Variants in CKMT1B observed in about 807,000 individuals in gnomAD.
CKMT1B encodes creatine kinase, mitochondrial 1B, also known as creatine kinase U-type, mitochondrial.
Under a neutral mutation model 21.8 loss-of-function variants are expected in CKMT1B, and 13 were observed. The ratio of observed to expected loss-of-function variants is 0.60; its 90% CI spans 0.39 to 0.95. The LOEUF is 0.95. Ranked by LOEUF, CKMT1B falls within the 40% of genes least tolerant of loss-of-function variation. The probability of loss-of-function intolerance (pLI) is 0.00; values close to 1 mark genes in which losing one functional copy is unlikely to be tolerated. For synonymous variants in CKMT1B, 50 were observed against 80.3 expected, an observed-to-expected ratio of 0.62 and a Z score of 2.02; for missense variants, 157 against 227.5, an observed-to-expected ratio of 0.69 and a Z score of 1.99.
intron 7 of CKMT1B, 133 bp downstream of exon 7, chr15:43,598,460 G>C: frequency 4.5e-6 from 6 of 1,336,694 alleles, no homozygotes; most frequent in Middle Eastern, 2.6e-4. Context: ...AGGCACAGTG[G>C]CTCATGCCTC....
Position 43,599,370 on chromosome 15 carries a change from T to C in CKMT1B, c.*97T>C. Reference sequence around the variant, plus strand: ...GCTCTGGACCTGCCCCCGCATCCCCTGCCTCCATCCTAGTAAAGACTCCTT... The same window carrying C: ...GCTCTGGACCTGCCCCCGCATCCCCCGCCTCCATCCTAGTAAAGACTCCTT... On this transcript the variant is annotated 3_prime_UTR_variant, in exon 9 of 9. Coordinates refer to ENST00000441322, the MANE Select transcript of CKMT1B (RefSeq NM_001375484.1). The C allele has an allele frequency of 6.3e-7, 1 of 1,593,078 alleles. No homozygotes were observed. The highest frequency in any genetic ancestry group is 8.6e-7 in the Non-Finnish European group (1 of 1,166,786).
Position 43,599,367 on chromosome 15 carries a change from C to T in CKMT1B, c.*94C>T. ...CTTGCTCTGGACCTGCCCCCGCATC[C>T]CCTGCCTCCATCCTAGTAAAGACTC... On this transcript the variant is annotated 3_prime_UTR_variant, in exon 9 of 9. Transcript: ENST00000441322. 6.3e-7 allele frequency: 1 copy of T among 1,596,174 alleles called. No homozygotes were observed. The highest frequency in any genetic ancestry group is 2.2e-5 in the East Asian group (1 of 44,740).
chr15:43,596,376 C>A (rs746837384), intron 5 of CKMT1B, 32 bp from the exon 6 acceptor site: 19 of 1,506,882 alleles, frequency 1.3e-5, no homozygotes, highest in Non-Finnish European at 1.5e-5. Context: ...TCTTGCCTTG[C>A]CTCTTGATCA....
rs752104222 is a variant in CKMT1B at position 43,598,828 on chromosome 15, A to T, written c.1013A>T (p.Asp338Val). 2 of 1,606,202 alleles carry T rather than the reference A, an allele frequency of 1.2e-6. No homozygotes were observed. The highest frequency in any genetic ancestry group is 1.7e-6 in the Non-Finnish European group (2 of 1,177,938). ...VHIKLPLLSK[D>V]SRFPKILENL... ...TCCCAATCCCTATCTCCTCTCTAGG[A>T]TAGCCGCTTCCCAAAGATCCTGGAG... is the stretch of plus-strand genomic sequence containing the variant. The change falls in exon 8 of 9, where the codon GAT (aspartate) becomes GTT (valine). Residue 338 changes from aspartate to valine, a missense_variant and splice_region_variant. Coordinates refer to ENST00000441322, the MANE Select transcript of CKMT1B (RefSeq NM_001375484.1).
intron 6 of CKMT1B, among the ~76,000 whole-genome samples, chr15:43,597,019 G>C (rs374104864): frequency 2.0e-5 from 3 of 146,808 alleles, no homozygotes; most frequent in East Asian, 2.1e-4. Context: ...TTGAGAGTTC[G>C]GAGAGAGACT....
intron 6 of CKMT1B, chr15:43,597,925 T>G: frequency 2.2e-6 from 3 of 1,361,610 alleles, no homozygotes; most frequent in Non-Finnish European, 2.8e-6. Flanking sequence ...CCCTAGATCA[T>G]CCTTAATACA....
chr15:43,599,250 C>T lies in CKMT1B; in HGVS notation c.1231C>T (p.Pro411Ser). 6.2e-7 allele frequency: 1 copy of T among 1,613,638 alleles called. No individual in the cohort carries two copies. Among genetic ancestry groups the T allele is most frequent in the Non-Finnish European group, 8.5e-7 (1 of 1,179,832 alleles). The change falls in exon 9 of 9, where the codon CCT (proline) becomes TCT (serine). Residue 411 changes from proline to serine, a missense_variant. Pro to Ser is a moderately conservative substitution (Grantham distance 74). Coordinates refer to ENST00000441322, the MANE Select transcript of CKMT1B (RefSeq NM_001375484.1). Reference protein sequence around the residue: ...ERGQDIRIPTPVIHTKH With the variant: ...ERGQDIRIPTSVIHTKH ...AGGCCAGGATATCCGCATCCCCACA[C>T]CTGTCATCCACACCAAGCATTAACT...
At position 43,596,239 on chromosome 15, in the gene CKMT1B, G is replaced by A. The variant is rs776227809; in HGVS notation, c.699G>A (p.Pro233=). ...TTCTGTTTGATAAGCCTGTGTCCCC[G>A]TTGCTGACTGCAGCAGGAATGGCTC... ...DHFLFDKPVS[P]LLTAAGMARD... is the part of the protein sequence containing the mutation. The change falls in exon 5 of 9, where the codon CCG becomes CCA. Residue 233 remains proline, a synonymous_variant. Coordinates refer to ENST00000441322, the MANE Select transcript of CKMT1B (RefSeq NM_001375484.1). 27 of 570,390 alleles carry A rather than the reference G, an allele frequency of 4.7e-5. 4 individuals carry two copies. Among genetic ancestry groups the A allele is most frequent in the South Asian group, 2.4e-4 (12 of 49,572 alleles). 35.3% of individuals were successfully genotyped at this position (570,390 alleles called of 1,614,324 possible). A position where few individuals can be genotyped will look rare whatever the true frequency, so the allele number is the denominator to read the frequency against.
Position 43,597,517 on chromosome 15 carries a change from C to T in CKMT1B, c.877-676C>T, listed in dbSNP as rs147768609. ...TCAGCATGTAAGATATCCCCTATGG[C>T]ATGGTTCCTTCTGAACTATAAAGAG... is the stretch of plus-strand genomic sequence containing the variant. On this transcript the variant is annotated intron_variant, in intron 6 of 8. Coordinates refer to ENST00000441322, the MANE Select transcript of CKMT1B (RefSeq NM_001375484.1). 89 of 1,234,442 alleles carry T rather than the reference C, an allele frequency of 7.2e-5. 7 individuals are homozygous for T. The African/African-American group carries it at 1.3e-3, about 18-fold the overall frequency. 76.5% of individuals were successfully genotyped at this position (1,234,442 alleles called of 1,614,324 possible). A position where few individuals can be genotyped will look rare whatever the true frequency, so the allele number is the denominator to read the frequency against.
chr15:43,598,765 T>C, intron 7 of CKMT1B, 62 bp from the exon 8 acceptor site: 3 of 1,526,948 alleles, frequency 2.0e-6, no homozygotes, highest in Non-Finnish European at 1.8e-6. Context: ...TTCAGGGCTC[T>C]TTCAGGTAGG....
chr15:43,596,737 A>C (rs2085575678), intron 6 of CKMT1B, among the ~76,000 whole-genome samples: 1 of 149,794 alleles, frequency 6.7e-6, no homozygotes, highest in African/African-American at 2.5e-5. Flanking sequence ...TAAGATTAGG[A>C]AAAGAAAGAG....
rs1327652918 is a variant in CKMT1B, at chr15:43,598,040, C to A, written c.877-153C>A. The A allele has an allele frequency of 1.7e-5, 25 of 1,450,480 alleles. 1 individual carries two copies. Among genetic ancestry groups the A allele is most frequent in the South Asian group, 4.6e-5 (3 of 65,786 alleles). 89.9% of individuals were successfully genotyped at this position (1,450,480 alleles called of 1,614,324 possible). Reference sequence around the variant, plus strand: ...TGCATGCATGAAAACAATAACAAACCTTTTTCATTTAAAAAAAGACCAATG... The same window carrying A: ...TGCATGCATGAAAACAATAACAAACATTTTTCATTTAAAAAAAGACCAATG... On this transcript the variant is annotated intron_variant, in intron 6 of 8. Transcript: ENST00000441322.
Position 43,596,860 on chromosome 15 carries a change from G to T in CKMT1B, c.876+329G>T, listed in dbSNP as rs1340746048. Among the ~76,000 whole-genome samples the T allele has an allele frequency of 1.3e-5, 2 of 149,194 alleles. 1 individual carries two copies. The highest frequency in any genetic ancestry group is 5.1e-5 in the African/African-American group (2 of 39,172). On this transcript the variant is annotated intron_variant, in intron 6 of 8. Coordinates refer to ENST00000441322, the MANE Select transcript of CKMT1B (RefSeq NM_001375484.1). The stretch of plus-strand genomic sequence containing the variant: ...GTGCAGTGGGATGGTGAGGTGTGCA[G>T]ATAAGGAAAACATTCGAGCTTAGAT...
chr15:43,596,589 A>T (rs541687320), intron 6 of CKMT1B, 58 bp downstream of exon 6: 1 of 1,605,636 alleles, frequency 6.2e-7, no homozygotes, highest in Admixed American at 1.7e-5. Context: ...ACCAAAGAGT[A>T]GCATAAATAG....
chr15:43,597,377 T>G, intron 6 of CKMT1B: 1 of 1,146,144 alleles, frequency 8.7e-7, no homozygotes, highest in Non-Finnish European at 1.1e-6. Flanking sequence ...ACATTTTAGG[T>G]TGTTGTGGGG....
At chr15:43,598,995 C>T (rs762652253) in intron 8 of CKMT1B, 43 bp downstream of exon 8, 65 of 1,607,002 alleles carry the variant, frequency 4.0e-5, no homozygotes, top group Middle Eastern at 1.7e-4. Context: ...TATAGGTCTG[C>T]GAGGGCCGAA....
rs1555445856 is a variant in CKMT1B, at chr15:43,596,024, C to T, written c.613C>T (p.Arg205Cys). The T allele has an allele frequency of 5.2e-6, 1 of 193,132 alleles. No individual in the cohort carries two copies. Among genetic ancestry groups the T allele is most frequent in the Non-Finnish European group, 8.8e-6 (1 of 113,048 alleles). The allele number at this position is 193,132 out of a possible 1,614,324, so 12.0% of individuals were successfully genotyped here. Residue 205 changes from arginine to cysteine, a missense_variant, in exon 4 of 9, where the codon CGT (arginine) becomes TGT (cysteine). Physicochemically the swap from Arg to Cys is radical, Grantham distance 180. Transcript: ENST00000441322. Reference sequence around the variant, plus strand: ...TGGCCTGAAGGGTGACCTGGCTGGACGTTACTATAGGCTCAGTGAGATGAC... The same window carrying T: ...TGGCCTGAAGGGTGACCTGGCTGGATGTTACTATAGGCTCAGTGAGATGAC... ...LSGLKGDLAG[R>C]YYRLSEMTEA...
At chr15:43,596,955 G>A (rs1356604795) in intron 6 of CKMT1B, among the ~76,000 whole-genome samples, 1 of 148,264 alleles carries the variant, frequency 6.7e-6, no homozygotes, top group African/African-American at 2.6e-5. Context: ...GACAAGGTAG[G>A]CCTTGACTCT....
chr15:43,597,148 T>C (rs2141508140), intron 6 of CKMT1B, among the ~76,000 whole-genome samples: 1 of 140,062 alleles, frequency 7.1e-6, no homozygotes, highest in African/African-American at 3.0e-5. Flanking sequence ...ACATTAGAAA[T>C]CCCCATAAAC....
Sources: gnomAD v4.1 joint callset for allele counts (sites outside exome capture counted in the v4.1 genomes callset) on GRCh38, gnomAD v4.1.1 for gene constraint, MANE v1.5 for transcripts, NCBI Gene and HGNC (gene_info 2026-07-23, HGNC 2026-07-21) for gene names.